The following TRPS1 variants were observed in gnomAD, a reference collection of about 807,000 sequenced individuals.
TRPS1 encodes the protein zinc finger transcription factor Trps1.
Under a neutral mutation model 101.2 loss-of-function variants are expected in TRPS1, and 6 were observed. That is an observed-to-expected ratio of 0.06 (90% CI 0.03 to 0.12). The LOEUF is 0.12. TRPS1 is among the 10% of genes least tolerant of loss of function. The pLI is 1.00. For missense variants in TRPS1, 1,363 were observed against 1,567.0 expected, an observed-to-expected ratio of 0.87 and a Z score of 2.20; for synonymous variants, 578 against 589.8, an observed-to-expected ratio of 0.98 and a Z score of 0.29.
intron 5 of TRPS1, among the ~76,000 whole-genome samples, chr8:115,567,587 AC>A (rs1051993554): frequency 3.1e-4 from 47 of 152,270 alleles, no homozygotes; most frequent in Admixed American, 2.7e-3. Context: ...TGGAATGAGC[AC>A]TTTTGCAGTG....
intron 1 of TRPS1, among the ~76,000 whole-genome samples, chr8:115,631,656 TGG>T (rs1818645034): frequency 6.8e-6 from 1 of 148,028 alleles, no homozygotes; most frequent in Non-Finnish European, 1.5e-5. Context: ...GATGGATGGA[TGG>T]ATGGATGGAT....
intron 5 of TRPS1, among the ~76,000 whole-genome samples, chr8:115,469,651 C>T (rs1404534357): frequency 2.6e-5 from 4 of 152,012 alleles, no homozygotes; most frequent in African/African-American, 7.2e-5. Context: ...CAAGTAGCTT[C>T]CACCAGATAC....
chr8:115,596,170 TA>T (rs1817780196), intron 4 of TRPS1, among the ~76,000 whole-genome samples: 1 of 151,984 alleles, frequency 6.6e-6, no homozygotes, highest in Non-Finnish European at 1.5e-5. Context: ...AATGCATTCG[TA>T]AATCTCCTAA....
intron 5 of TRPS1, among the ~76,000 whole-genome samples, chr8:115,508,583 C>T (rs766117763): frequency 6.6e-6 from 1 of 151,934 alleles, no homozygotes; most frequent in Non-Finnish European, 1.5e-5. Flanking sequence ...TCTTGGCCTC[C>T]GTGGAGTCTT....
intron 5 of TRPS1, among the ~76,000 whole-genome samples, chr8:115,570,416 A>G (rs956428531): frequency 3.9e-5 from 6 of 152,104 alleles, no homozygotes; most frequent in East Asian, 3.9e-4. Context: ...TAAAAAATGC[A>G]TATTTCCTCA....
At chr8:115,546,273 T>C (rs1816568220) in intron 5 of TRPS1, among the ~76,000 whole-genome samples, 1 of 151,886 alleles carries the variant, frequency 6.6e-6, no homozygotes, top group South Asian at 2.1e-4. Context: ...TAAAAAGCAT[T>C]TGCAATAGTT....
chr8:115,503,158 G>A (rs1815359384), intron 5 of TRPS1, among the ~76,000 whole-genome samples: 1 of 151,160 alleles, frequency 6.6e-6, no homozygotes, highest in South Asian at 2.1e-4. Context: ...GGAGGCTGAG[G>A]CAGGAGAATG....
chr8:115,554,484 T>C (rs950326495), intron 5 of TRPS1, among the ~76,000 whole-genome samples: 1 of 152,068 alleles, frequency 6.6e-6, no homozygotes, highest in Non-Finnish European at 1.5e-5. Context: ...GATAAAACAA[T>C]GCACAAAATA....
At chr8:115,523,142 C>A (rs1032655771) in intron 5 of TRPS1, among the ~76,000 whole-genome samples, 1 of 151,962 alleles carries the variant, frequency 6.6e-6, no homozygotes, top group Non-Finnish European at 1.5e-5. Context: ...CCCAACATAT[C>A]CCAAAATATA....
intron 1 of TRPS1, among the ~76,000 whole-genome samples, chr8:115,655,351 C>T (rs941412473): frequency 1.3e-5 from 2 of 152,110 alleles, no homozygotes; most frequent in African/African-American, 4.8e-5. Context: ...GAATCTTAAG[C>T]CTAAACCCGT....
intron 5 of TRPS1, among the ~76,000 whole-genome samples, chr8:115,452,373 G>A (rs16887466): frequency 0.035 from 5,297 of 152,090 alleles, 350 homozygotes; most frequent in African/African-American, 0.12. Context: ...AGCTGGCAGC[G>A]TTTTGCTACA....
intron 5 of TRPS1, among the ~76,000 whole-genome samples, chr8:115,576,727 T>G (rs1423865022): frequency 6.6e-6 from 1 of 152,182 alleles, no homozygotes; most frequent in Admixed American, 6.6e-5. Context: ...GGAGCATACC[T>G]ACCTCCAAAC....
chr8:115,475,967 A>T (rs1259968288), intron 5 of TRPS1, among the ~76,000 whole-genome samples: 3 of 151,362 alleles, frequency 2.0e-5, no homozygotes, highest in African/African-American at 4.8e-5. Context: ...AATATACAAC[A>T]TGCTTTACCA....
chr8:115,473,775 T>C (rs763618364), intron 5 of TRPS1, among the ~76,000 whole-genome samples: 3 of 152,242 alleles, frequency 2.0e-5, no homozygotes, highest in Non-Finnish European at 4.4e-5. Flanking sequence ...TTTATGTCTT[T>C]GGTTCCTATT....
intron 4 of TRPS1, among the ~76,000 whole-genome samples, chr8:115,591,855 C>T (rs2130457306): frequency 6.6e-6 from 1 of 152,304 alleles, no homozygotes; most frequent in African/African-American, 2.4e-5. Context: ...TCAAAGCACT[C>T]ATGTCTACAG....
At chr8:115,599,091 G>A (rs1382027899) in intron 4 of TRPS1, among the ~76,000 whole-genome samples, 1 of 151,902 alleles carries the variant, frequency 6.6e-6, no homozygotes, top group East Asian at 1.9e-4. Context: ...TTTCTTCTGG[G>A]ACTCTGATTA....
intron 5 of TRPS1, among the ~76,000 whole-genome samples, chr8:115,559,222 T>C (rs1405293936): frequency 6.6e-6 from 1 of 152,146 alleles, no homozygotes; most frequent in East Asian, 1.9e-4. Context: ...ATATTTATTA[T>C]CATCCATGGC....
At position 115,631,216 on chromosome 8, in the gene TRPS1, A is replaced by G. The variant is rs567022833; in HGVS notation, c.-121-7458T>C. On this transcript the variant is annotated intron_variant, in intron 1 of 6. Coordinates refer to ENST00000395715, the MANE Select transcript of TRPS1 (RefSeq NM_014112.5). ...CCTTGTGCATATCTTCTCTCAAGGTACCTGCCACTTCACACAGAATTATGT... is the reference window on the plus strand; with the variant it reads ...CCTTGTGCATATCTTCTCTCAAGGTGCCTGCCACTTCACACAGAATTATGT... Among the ~76,000 whole-genome samples, 5 of 152,212 alleles carry G rather than the reference A, an allele frequency of 3.3e-5. 1 individual carries two copies. Among genetic ancestry groups the G allele is most frequent in the African/African-American group, 1.2e-4 (5 of 41,564 alleles).
chr8:115,635,701 G>A (rs569813446), intron 1 of TRPS1, among the ~76,000 whole-genome samples: 8 of 152,282 alleles, frequency 5.3e-5, no homozygotes, highest in Non-Finnish European at 1.0e-4. Context: ...AGAGGATTGA[G>A]TGATTCCAAC....
Sources: allele counts gnomAD v4.1 joint callset (sites outside exome capture counted in the v4.1 genomes callset), GRCh38; gene constraint gnomAD v4.1.1; transcripts MANE v1.5; gene names NCBI Gene and HGNC (gene_info 2026-07-23, HGNC 2026-07-21).